Variants in MPDZ observed in about 807,000 individuals in gnomAD.
MPDZ encodes the protein multiple PDZ domain crumbs cell polarity complex component.
A neutral mutation model predicts 239.1 loss-of-function variants in MPDZ; 234 were observed. The observed-to-expected ratio is 0.98, with a 90% CI of 0.88 to 1.09. The LOEUF is 1.09. MPDZ is among the 50% of genes least tolerant of loss of function. MPDZ has a pLI of 0.00. For missense variants in MPDZ, 3,175 were observed against 2,510.0 expected (o/e 1.26, Z -5.66); for synonymous variants, 1,048 against 881.3 (o/e 1.19, Z -3.35).
At chr9:13,225,107 G>A (rs1333824994) in intron 3 of MPDZ, among the ~76,000 whole-genome samples, 5 of 151,974 alleles carry the variant, frequency 3.3e-5, no homozygotes, top group Admixed American at 6.6e-5. Flanking sequence ...ACCAAGATCA[G>A]GTAATCTTCC....
At chr9:13,230,455 A>G (rs1962063758) in intron 3 of MPDZ, among the ~76,000 whole-genome samples, 1 of 152,158 alleles carries the variant, frequency 6.6e-6, no homozygotes, top group Admixed American at 6.6e-5. Flanking sequence ...AAAGAAGAAA[A>G]ATATTAATAT....
rs1418104802 is a variant in MPDZ at position 13,223,620 on chromosome 9, C to G, written c.484G>C (p.Glu162Gln). Residue 162 changes from glutamate to glutamine, a missense_variant, in exon 5 of 47, where the codon GAG becomes CAG. Transcript: ENST00000319217. ...ATCTCTTGAACAAATATTCCCAGCT[C>G]TCCTCTGTTTTCACTTCTTAGTCCC... The part of the protein sequence containing the change: ...VVGLRSENRG[E>Q]LGIFVQEIQE... The G allele has an allele frequency of 6.2e-7, 1 of 1,612,432 alleles. No homozygotes were observed. The highest frequency in any genetic ancestry group is 2.2e-5 in the East Asian group (1 of 44,804).
In MPDZ at chr9:13,215,438, GAT is replaced by G. The variant is rs55720256; in HGVS notation, c.1290+1334_1290+1335del. ...TATATATCAATATGTGTGTATATAT[GAT>G]ATATATATATATATCACATTTTGTT... On this transcript the variant is annotated intron_variant, in intron 10 of 46. Coordinates refer to ENST00000319217, the MANE Select transcript of MPDZ (RefSeq NM_001378778.1). 1.3e-3 allele frequency among the ~76,000 whole-genome samples: 191 copies of G among 146,778 alleles called. 1 individual carries two copies. Among genetic ancestry groups the G allele is most frequent in the Middle Eastern group, 3.6e-3 (1 of 278 alleles).
At position 13,168,584 on chromosome 9, in the gene MPDZ, C is replaced by G; in HGVS notation, c.3056-20G>C. 1 of 1,468,814 alleles carries G rather than the reference C, an allele frequency of 6.8e-7. No individual in the cohort carries two copies. The highest frequency in any genetic ancestry group is 9.1e-7 in the Non-Finnish European group (1 of 1,095,720). The allele number at this position is 1,468,814 out of a possible 1,614,324, so 91.0% of individuals were successfully genotyped here. On this transcript the variant is annotated intron_variant, in intron 21 of 46. Coordinates refer to ENST00000319217, the MANE Select transcript of MPDZ (RefSeq NM_001378778.1). ...TCATTCCTACAGGAAAAGAGAAATG[C>G]AAATATAATTAAATACATGATTTTT... is the stretch of plus-strand genomic sequence containing the variant.
intron 23 of MPDZ, among the ~76,000 whole-genome samples, chr9:13,159,223 A>G (rs1401004966): frequency 6.6e-6 from 1 of 152,168 alleles, no homozygotes; most frequent in Non-Finnish European, 1.5e-5. Context: ...CTCCAAGAAC[A>G]TCTCATTCTT....
At position 13,108,939 on chromosome 9, in the gene MPDZ, T is replaced by C; in HGVS notation, c.6063A>G (p.Ala2021=). 1 of 1,610,768 alleles carries C rather than the reference T, an allele frequency of 6.2e-7. No homozygotes were observed. Among genetic ancestry groups the C allele is most frequent in the Middle Eastern group, 1.7e-4 (1 of 6,048 alleles). Residue 2021 remains alanine, a synonymous_variant, in exon 46 of 47, where the codon GCA becomes GCG. Coordinates refer to ENST00000319217, the MANE Select transcript of MPDZ (RefSeq NM_001378778.1). ...DLPIYVKTVF[A]KGAASEDGRL... ...TGGTTAAAATTTGCAAGCTTACCTT[T>C]GCAAACACTGTTTTAACATAAATGG...
At chr9:13,176,705 T>C (rs185340143) in intron 19 of MPDZ, among the ~76,000 whole-genome samples, 1 of 152,260 alleles carries the variant, frequency 6.6e-6, no homozygotes, top group East Asian at 1.9e-4. Context: ...AAATACTATG[T>C]TCTATTTACA....
rs76557419 is a variant in MPDZ, at chr9:13,111,461, G to A, written c.5724+563C>T. 1.6e-3 allele frequency among the ~76,000 whole-genome samples: 238 copies of A among 152,300 alleles called. 3 individuals are homozygous for A. Among genetic ancestry groups the A allele is most frequent in the African/African-American group, 5.5e-3 (230 of 41,552 alleles). On this transcript the variant is annotated intron_variant, in intron 43 of 46. Coordinates refer to ENST00000319217, the MANE Select transcript of MPDZ (RefSeq NM_001378778.1). ...GAAACCATAGAGATTTTGCTTTAGA[G>A]AGACTGAGTTGCGTTAATGGAATAT... is the stretch of plus-strand genomic sequence containing the variant.
chr9:13,147,962 T>C (rs1167807402), intron 25 of MPDZ, among the ~76,000 whole-genome samples: 2 of 151,992 alleles, frequency 1.3e-5, no homozygotes, highest in Admixed American at 6.6e-5. Context: ...AAAATCAGTA[T>C]CATTAACAAA....
intron 1 of MPDZ, among the ~76,000 whole-genome samples, chr9:13,264,514 G>T (rs1352074003): frequency 6.6e-6 from 1 of 152,046 alleles, no homozygotes; most frequent in African/African-American, 2.4e-5. Context: ...GGTGTGTCTG[G>T]GATCAGAACC....
chr9:13,115,463 G>A (rs569988257), intron 39 of MPDZ, 129 bp from the exon 40 acceptor site: 3 of 724,852 alleles, frequency 4.1e-6, no homozygotes, highest in East Asian at 2.7e-5. Flanking sequence ...CTATAAGCAA[G>A]GATACCTCCA....
intron 10 of MPDZ, among the ~76,000 whole-genome samples, chr9:13,214,675 A>C (rs1170021815): frequency 1.3e-5 from 2 of 152,078 alleles, no homozygotes; most frequent in Admixed American, 1.3e-4. Flanking sequence ...TCAATTTGTA[A>C]TTCAGCATCA....
chr9:13,247,079 T>C (rs1054444034), intron 3 of MPDZ, among the ~76,000 whole-genome samples: 6 of 152,216 alleles, frequency 3.9e-5, no homozygotes, highest in Admixed American at 6.5e-5. Flanking sequence ...GAAGTTCTAA[T>C]GTTTATCACC....
chr9:13,265,948 T>G (rs1387240995), intron 1 of MPDZ, among the ~76,000 whole-genome samples: 2 of 152,202 alleles, frequency 1.3e-5, no homozygotes, highest in African/African-American at 4.8e-5. Flanking sequence ...GGTTTATATA[T>G]TCTCCCAAGA....
At chr9:13,211,052 T>C (rs529824304) in intron 10 of MPDZ, among the ~76,000 whole-genome samples, 1 of 152,256 alleles carries the variant, frequency 6.6e-6, no homozygotes, top group East Asian at 1.9e-4. Flanking sequence ...CTGAGTGATA[T>C]ACCCTCTATC....
In MPDZ at chr9:13,131,195, T is replaced by C. The variant is rs116761876; in HGVS notation, c.4464+2629A>G. Among the ~76,000 whole-genome samples, 1,518 of 152,270 alleles carry C rather than the reference T, an allele frequency of 1.0e-2. 33 individuals carry two copies. The highest frequency in any genetic ancestry group is 0.035 in the African/African-American group (1,439 of 41,552). On this transcript the variant is annotated intron_variant, in intron 32 of 46. Transcript: ENST00000319217. ...TGCTTAATTTTTACTCCCAGAGCCA[T>C]GTAATAATGGGGTTAGGAGTGCCAG...
rs1276368945 is a variant in MPDZ, at chr9:13,206,030, T to C, written c.1360A>G (p.Thr454Ala). The C allele has an allele frequency of 6.2e-7, 1 of 1,612,810 alleles. No homozygotes were observed. Among genetic ancestry groups the C allele is most frequent in the African/African-American group, 1.3e-5 (1 of 74,698 alleles). The change falls in exon 11 of 47, where the codon ACT becomes GCT. Residue 454 changes from threonine to alanine, a missense_variant. Thr to Ala is a moderately conservative substitution (Grantham distance 58, BLOSUM62 0). Coordinates refer to ENST00000319217, the MANE Select transcript of MPDZ (RefSeq NM_001378778.1). ...AVEVLRHTGQTVLLTLMRRGM... is the reference protein window; with the variant it reads ...AVEVLRHTGQAVLLTLMRRGM... ...CTCCTCATTAGTGTCAGGAGCACAG[T>C]TTGTCCTGTATGTCGCAATACCTCT...
At chr9:13,260,707 T>C (rs942879550) in intron 1 of MPDZ, among the ~76,000 whole-genome samples, 1 of 152,170 alleles carries the variant, frequency 6.6e-6, no homozygotes, top group Non-Finnish European at 1.5e-5. Flanking sequence ...TCACTGTCTA[T>C]GTGCAAGCAC....
chr9:13,113,108 T>A, intron 41 of MPDZ, 54 bp from the exon 42 acceptor site: 1 of 1,466,100 alleles, frequency 6.8e-7, no homozygotes, highest in South Asian at 1.3e-5. Context: ...TCACTTTTTA[T>A]GTTCGTTAAA....
Sources: gnomAD v4.1 joint callset for allele counts (sites outside exome capture counted in the v4.1 genomes callset) on GRCh38, gnomAD v4.1.1 for gene constraint, MANE v1.5 for transcripts, NCBI Gene and HGNC (gene_info 2026-07-23, HGNC 2026-07-21) for gene names.